Variants in PADI2 observed in about 807,000 individuals in gnomAD.
The protein encoded by PADI2 is peptidyl arginine deiminase 2.
A neutral mutation model predicts 81.1 loss-of-function variants in PADI2; 70 were observed. The observed-to-expected ratio is 0.86, with a 90% CI of 0.71 to 1.05. The LOEUF (loss-of-function observed/expected upper bound fraction) is 1.05, where lower values mean the gene tolerates loss of function less well. PADI2 is among the 50% of genes least tolerant of loss of function. The pLI, the probability that PADI2 is intolerant of heterozygous loss-of-function variation, is 0.00. For missense variants in PADI2, 853 were observed against 889.9 expected (o/e 0.96, Z 0.53); for synonymous variants, 338 against 358.0 (o/e 0.94, Z 0.63).
intron 2 of PADI2, among the ~76,000 whole-genome samples, 162 bp from the exon 3 acceptor site, chr1:17,103,221 G>T (rs1215472641): frequency 2.6e-5 from 4 of 152,174 alleles, no homozygotes; most frequent in Admixed American, 1.3e-4. Flanking sequence ...TGGGTTGGTG[G>T]GCGGTTTCCC....
intron 4 of PADI2, 65 bp from the exon 5 acceptor site, chr1:17,093,749 T>C: frequency 4.2e-6 from 4 of 955,592 alleles, no homozygotes; most frequent in South Asian, 1.4e-5. Context: ...CATGGGACAC[T>C]GGAGAGATAG....
At chr1:17,098,966 C>T (rs1931044678) in intron 3 of PADI2, among the ~76,000 whole-genome samples, 1 of 152,224 alleles carries the variant, frequency 6.6e-6, no homozygotes, top group Non-Finnish European at 1.5e-5. Flanking sequence ...TTCAGGGCCT[C>T]CAGGCTCCAG....
In PADI2 at chr1:17,067,129, GGAA is replaced by G. The variant is rs2078227832; in HGVS notation, c.*1912_*1914del. 1 of 151,360 alleles carries G rather than the reference GGAA, an allele frequency of 6.6e-6. No homozygotes were observed. Among genetic ancestry groups the G allele is most frequent in the Non-Finnish European group, 1.5e-5 (1 of 67,922 alleles). 9.4% of individuals were successfully genotyped at this position (151,360 alleles called of 1,614,324 possible). A position where few individuals can be genotyped will look rare whatever the true frequency, so the allele number is the denominator to read the frequency against. On this transcript the variant is annotated 3_prime_UTR_variant, in exon 16 of 16. Transcript: ENST00000375486. ...CATCAGAAATTACCGACATCATTGGGGAAAGCCTTAGAAAAATCTATAAAGACA... is the reference window on the plus strand; with the variant it reads ...CATCAGAAATTACCGACATCATTGGGAGCCTTAGAAAAATCTATAAAGACA...
At chr1:17,099,734 G>A (rs776043314) in intron 3 of PADI2, among the ~76,000 whole-genome samples, 5 of 152,286 alleles carry the variant, frequency 3.3e-5, no homozygotes, top group East Asian at 1.9e-4. Flanking sequence ...AAAAGCAGGC[G>A]GAGCATTGAC....
intron 9 of PADI2, chr1:17,082,861 C>T (rs2101583344): frequency 4.3e-6 from 2 of 467,852 alleles, no homozygotes; most frequent in South Asian, 6.7e-5. Flanking sequence ...AGGTTTCTTA[C>T]CGATATCAGC....
At chr1:17,071,218 A>T (rs1355827613) in intron 14 of PADI2, among the ~76,000 whole-genome samples, 188 bp downstream of exon 14, 1 of 152,104 alleles carries the variant, frequency 6.6e-6, no homozygotes, top group Non-Finnish European at 1.5e-5. Context: ...TAACCCTGGG[A>T]CTTTAGCCCA....
chr1:17,075,027 AC>A, intron 12 of PADI2, 78 bp from the exon 13 acceptor site: 1 of 848,668 alleles, frequency 1.2e-6, no homozygotes. Context: ...TGCGCTGAGG[AC>A]CCAGTGCCTT....
At chr1:17,069,408 T>G (rs1013547320) in intron 15 of PADI2, 131 bp from the exon 16 acceptor site, 17 of 698,992 alleles carry the variant, frequency 2.4e-5, no homozygotes, top group Non-Finnish European at 3.9e-5. Flanking sequence ...AGGGACGGAG[T>G]GGGGCTAAGT....
chr1:17,106,439 TTTC>T (rs1407852988), intron 1 of PADI2, among the ~76,000 whole-genome samples: 12 of 151,470 alleles, frequency 7.9e-5, no homozygotes, highest in East Asian at 7.8e-4. Flanking sequence ...CAGGCTTCTT[TTTC>T]TTCTTCTTTT....
intron 11 of PADI2, among the ~76,000 whole-genome samples, chr1:17,077,674 G>A (rs1383327648): frequency 1.3e-5 from 2 of 152,216 alleles, no homozygotes; most frequent in Non-Finnish European, 2.9e-5. Flanking sequence ...TGGCCACTGA[G>A]TGGAGGGAGA....
At chr1:17,116,425 T>C (rs1169282451) in intron 1 of PADI2, among the ~76,000 whole-genome samples, 1 of 152,170 alleles carries the variant, frequency 6.6e-6, no homozygotes, top group African/African-American at 2.4e-5. Flanking sequence ...GCCTTGTTCC[T>C]TGGGGTCTAC....
At chr1:17,091,363 A>G (rs1160355995) in intron 6 of PADI2, among the ~76,000 whole-genome samples, 1 of 151,414 alleles carries the variant, frequency 6.6e-6, no homozygotes, top group Non-Finnish European at 1.5e-5. Flanking sequence ...TGCAATGCCG[A>G]CTATTTTGCT....
intron 11 of PADI2, among the ~76,000 whole-genome samples, 153 bp from the exon 12 acceptor site, chr1:17,075,976 C>A (rs887608051): frequency 1.3e-5 from 2 of 152,148 alleles, no homozygotes; most frequent in Non-Finnish European, 2.9e-5. Context: ...GAGACCCTGG[C>A]GCAGGCAGTA....
At chr1:17,081,332 T>A (rs1056330928) in intron 10 of PADI2, among the ~76,000 whole-genome samples, 1 of 152,240 alleles carries the variant, frequency 6.6e-6, no homozygotes, top group Non-Finnish European at 1.5e-5. Flanking sequence ...GAGACTGATA[T>A]CATTTCTATC....
intron 11 of PADI2, 172 bp downstream of exon 11, chr1:17,079,091 TA>T (rs1345022485): frequency 5.4e-6 from 3 of 559,622 alleles, no homozygotes; most frequent in Non-Finnish European, 6.4e-6. Flanking sequence ...CACAAAGATA[TA>T]AAGGCTAGCT....
chr1:17,113,519 C>A (rs1450681912), intron 1 of PADI2, among the ~76,000 whole-genome samples: 1 of 152,214 alleles, frequency 6.6e-6, no homozygotes, highest in Non-Finnish European at 1.5e-5. Flanking sequence ...CTCTCTGAGA[C>A]CTGGGCCTGG....
intron 10 of PADI2, among the ~76,000 whole-genome samples, chr1:17,081,225 CG>C (rs1338740469): frequency 2.6e-5 from 4 of 152,086 alleles, no homozygotes; most frequent in African/African-American, 9.7e-5. Flanking sequence ...GGACAGGGCC[CG>C]GGGAATGATA....
Position 17,084,615 on chromosome 1 carries a change from A to T in PADI2, c.922T>A (p.Ser308Thr), listed in dbSNP as rs1193270390. The T allele has an allele frequency of 6.3e-7, 1 of 1,582,834 alleles. No individual in the cohort carries two copies. Among genetic ancestry groups the T allele is most frequent in the Admixed American group, 1.8e-5 (1 of 56,104 alleles). Reference sequence around the variant, plus strand: ...ACCCCTTACCAGCACACAAACACCGACACGGGAGGCAGGATGTTGGGGGTC... The same window carrying T: ...ACCCCTTACCAGCACACAAACACCGTCACGGGAGGCAGGATGTTGGGGGTC... ...IMTPNILPPV[S>T]VFVCCMKDNY... The change falls in exon 8 of 16, where the codon TCG becomes ACG. Residue 308 changes from serine to threonine, a missense_variant. Ser to Thr is a moderately conservative substitution (Grantham distance 58). Transcript: ENST00000375486.
At chr1:17,089,732 C>T (rs564843842) in intron 6 of PADI2, among the ~76,000 whole-genome samples, 15 of 152,328 alleles carry the variant, frequency 9.8e-5, no homozygotes, top group South Asian at 2.1e-4. Context: ...ATCCCTGGCT[C>T]GGTGCAAACC....
Sources: allele counts gnomAD v4.1 joint callset (sites outside exome capture counted in the v4.1 genomes callset), GRCh38; gene constraint gnomAD v4.1.1; transcripts MANE v1.5; gene names NCBI Gene and HGNC (gene_info 2026-07-23, HGNC 2026-07-21).